The following KL variants were observed in gnomAD, a reference collection of about 807,000 sequenced individuals.
KL encodes the protein alpha-klotho.
In KL, 62 loss-of-function variants were observed where a neutral mutation model predicts 84.2. That is an observed-to-expected ratio of 0.74 (90% CI 0.60 to 0.91). KL has a LOEUF of 0.91. Among genes scored for constraint, KL ranks in the 40% least tolerant of loss-of-function variants. The pLI, the probability that KL is intolerant of heterozygous loss-of-function variation, is 0.00. For missense variants in KL, 1,261 were observed against 1,305.7 expected, an observed-to-expected ratio of 0.97 and a Z score of 0.53; for synonymous variants, 528 against 528.0, an observed-to-expected ratio of 1.00 and a Z score of 0.00.
intron 1 of KL, among the ~76,000 whole-genome samples, chr13:33,020,091 G>A (rs545846941): frequency 1.3e-5 from 2 of 152,190 alleles, no homozygotes; most frequent in East Asian, 3.9e-4. Context: ...TCCCCTCACC[G>A]CCTGAGATTC....
chr13:33,031,747 G>T (rs182040470), intron 1 of KL, among the ~76,000 whole-genome samples: 6 of 152,276 alleles, frequency 3.9e-5, no homozygotes, highest in East Asian at 3.9e-4. Context: ...GAGCTAAAAG[G>T]TTGCCAGTGG....
At chr13:33,045,843 T>C (rs1161462488) in intron 1 of KL, among the ~76,000 whole-genome samples, 1 of 152,220 alleles carries the variant, frequency 6.6e-6, no homozygotes, top group Non-Finnish European at 1.5e-5. Flanking sequence ...TGAGTGTTTT[T>C]ATTATGAAAG....
chr13:33,064,696 C>T lies in KL; in HGVS notation c.*510C>T, dbSNP rs77813367. 8.8e-3 allele frequency: 2,019 copies of T among 230,442 alleles called. 42 individuals carry two copies. Among genetic ancestry groups the T allele is most frequent in the African/African-American group, 0.04 (1,798 of 45,008 alleles). The allele number at this position is 230,442 out of a possible 1,614,324, so 14.3% of individuals were successfully genotyped here. A position where few individuals can be genotyped will look rare whatever the true frequency, so the allele number is the denominator to read the frequency against. ...AAGAAGATGGCAGATACAGGAGAGA[C>T]GACAGAGGGTCCTAGGCTGGAATGT... On this transcript the variant is annotated 3_prime_UTR_variant, in exon 5 of 5. Coordinates refer to ENST00000380099, the MANE Select transcript of KL (RefSeq NM_004795.4).
chr13:33,045,731 G>A (rs1871503817), intron 1 of KL, among the ~76,000 whole-genome samples: 4 of 152,040 alleles, frequency 2.6e-5, no homozygotes. Context: ...CGCCCGCCTC[G>A]GCCTCCCAAA....
At chr13:33,021,150 G>A (rs927374349) in intron 1 of KL, among the ~76,000 whole-genome samples, 2 of 152,144 alleles carry the variant, frequency 1.3e-5, no homozygotes, top group African/African-American at 2.4e-5. Context: ...CTGGTTTACC[G>A]AATAGCCTGA....
intron 1 of KL, among the ~76,000 whole-genome samples, chr13:33,033,080 T>G (rs1871030691): frequency 6.6e-6 from 1 of 152,216 alleles, no homozygotes; most frequent in Admixed American, 6.5e-5. Flanking sequence ...CTTAATGAAA[T>G]AATCATTACA....
rs146893449 is a variant in KL, at chr13:33,026,238, A to T, written c.819+8979A>T. On this transcript the variant is annotated intron_variant, in intron 1 of 4. Coordinates refer to ENST00000380099, the MANE Select transcript of KL (RefSeq NM_004795.4). ...TGTCCCTTCCCTGGCTGCATACTCA[A>T]GACTGGATTTGCCCAGCCAAACCCC... 1.0e-3 allele frequency among the ~76,000 whole-genome samples: 152 copies of T among 152,306 alleles called. No homozygotes were observed. The East Asian group carries it at 0.028, about 28-fold the overall frequency.
chr13:33,017,050 T>C lies in KL; in HGVS notation c.610T>C (p.Tyr204His), dbSNP rs758566300. 3.1e-6 allele frequency: 5 copies of C among 1,601,570 alleles called. No individual in the cohort carries two copies. The highest frequency in any genetic ancestry group is 1.3e-5 in the African/African-American group (1 of 74,990). The change falls in exon 1 of 5, where the codon TAC (tyrosine) becomes CAC (histidine). Residue 204 changes from tyrosine (Y) to histidine (H), a missense_variant. Tyr to His is a moderately conservative substitution (Grantham distance 83). Transcript: ENST00000380099. ...WDLPQRLQDA[Y>H]GGWANRALAD... is the part of the protein sequence containing the mutation. ...CCTGCCCCAGCGCCTGCAGGACGCC[T>C]ACGGCGGCTGGGCCAACCGCGCCCT...
chr13:33,065,574 A>G lies in KL; in HGVS notation c.*1388A>G, dbSNP rs1040561090. 1.1e-5 allele frequency: 2 copies of G among 182,940 alleles called. No individual in the cohort carries two copies. Among genetic ancestry groups the G allele is most frequent in the Non-Finnish European group, 2.3e-5 (2 of 85,806 alleles). 11.3% of individuals were successfully genotyped at this position (182,940 alleles called of 1,614,324 possible). A position where few individuals can be genotyped will look rare whatever the true frequency, so the allele number is the denominator to read the frequency against. Reference sequence around the variant, plus strand: ...ATAATAATATACTGTACTATATAATATATCATCTTTAGAGGTATGATTTTT... The same window carrying G: ...ATAATAATATACTGTACTATATAATGTATCATCTTTAGAGGTATGATTTTT... On this transcript the variant is annotated 3_prime_UTR_variant, in exon 5 of 5. Transcript: ENST00000380099.
At chr13:33,048,239 T>C (rs1052038831) in intron 1 of KL, among the ~76,000 whole-genome samples, 3 of 152,192 alleles carry the variant, frequency 2.0e-5, no homozygotes, top group African/African-American at 7.2e-5. Flanking sequence ...CTGGTCAATA[T>C]TGTCTCTTTT....
intron 3 of KL, among the ~76,000 whole-genome samples, chr13:33,058,660 C>CT (rs201214267): frequency 1.9e-4 from 29 of 151,502 alleles, no homozygotes; most frequent in African/African-American, 3.4e-4. Flanking sequence ...TTTCAAGAAA[C>CT]TTTTTTTTTC....
chr13:33,042,470 C>G (rs183065577), intron 1 of KL, among the ~76,000 whole-genome samples: 1 of 152,298 alleles, frequency 6.6e-6, no homozygotes, highest in African/African-American at 2.4e-5. Flanking sequence ...TGGAATCAAA[C>G]AACTCTGTGA....
At chr13:33,043,984 A>G (rs1182360552) in intron 1 of KL, among the ~76,000 whole-genome samples, 1 of 152,176 alleles carries the variant, frequency 6.6e-6, no homozygotes, top group Admixed American at 6.5e-5. Flanking sequence ...TTATAGTTTT[A>G]GCTTTTAGCT....
chr13:33,033,619 C>G (rs1871051882), intron 1 of KL, among the ~76,000 whole-genome samples: 1 of 152,088 alleles, frequency 6.6e-6, no homozygotes, highest in Non-Finnish European at 1.5e-5. Context: ...TTCCTTAAGT[C>G]TATGGTCACA....
intron 1 of KL, among the ~76,000 whole-genome samples, chr13:33,022,165 G>A (rs1024240663): frequency 2.0e-5 from 3 of 152,186 alleles, no homozygotes; most frequent in Non-Finnish European, 4.4e-5. Context: ...GAAGGAAAAT[G>A]TAAACTATGC....
chr13:33,062,269 T>C (rs11840531), intron 4 of KL, among the ~76,000 whole-genome samples: 1,783 of 151,858 alleles, frequency 0.012, 37 homozygotes, highest in African/African-American at 0.04. Flanking sequence ...GCAGATTCAG[T>C]TACTTGGGAG....
chr13:33,035,003 A>G (rs1871106041), intron 1 of KL, among the ~76,000 whole-genome samples: 1 of 152,228 alleles, frequency 6.6e-6, no homozygotes, highest in African/African-American at 2.4e-5. Context: ...GGCTACTCAT[A>G]GGTTGATTTC....
In KL at chr13:33,063,857, C is replaced by T. The variant is rs1368742596; in HGVS notation, c.2710C>T (p.Leu904=). The T allele has an allele frequency of 2.5e-6, 4 of 1,614,002 alleles. No homozygotes were observed. The highest frequency in any genetic ancestry group is 3.4e-6 in the Non-Finnish European group (4 of 1,179,960). ...TCCTTTTGTTTTTCCAGCCCACATA[C>T]TGGATGGTATCAATCTTTGCGGATA... ...YINEALKAHI[L]DGINLCGYFA... The change falls in exon 5 of 5, where the codon CTG becomes TTG. Residue 904 remains leucine, a synonymous_variant. Coordinates refer to ENST00000380099, the MANE Select transcript of KL (RefSeq NM_004795.4).
intron 1 of KL, among the ~76,000 whole-genome samples, chr13:33,033,014 A>G (rs539828435): frequency 6.6e-6 from 1 of 152,168 alleles, no homozygotes; most frequent in African/African-American, 2.4e-5. Flanking sequence ...CTATGTACCT[A>G]TGTTTGACCC....
Sources: allele counts gnomAD v4.1 joint callset (sites outside exome capture counted in the v4.1 genomes callset), GRCh38; gene constraint gnomAD v4.1.1; transcripts MANE v1.5; gene names NCBI Gene and HGNC (gene_info 2026-07-23, HGNC 2026-07-21).